TASP1: variants seen among roughly 807,000 people sequenced by gnomAD.
TASP1 encodes the protein taspase 1.
A neutral mutation model predicts 56.6 loss-of-function variants in TASP1; 16 were observed. The ratio of observed to expected loss-of-function variants is 0.28; its 90% CI spans 0.19 to 0.43. The LOEUF (loss-of-function observed/expected upper bound fraction) is 0.43, where lower values mean the gene tolerates loss of function less well. TASP1 is among the 20% of genes least tolerant of loss of function. The probability of loss-of-function intolerance (pLI) is 1.00; values close to 1 mark genes in which losing one functional copy is unlikely to be tolerated. For synonymous variants in TASP1, 179 were observed against 184.2 expected, an observed-to-expected ratio of 0.97 and a Z score of 0.23; for missense variants, 393 against 511.6, an observed-to-expected ratio of 0.77 and a Z score of 2.24.
chr20:13,146,408 G>A, the TASP1 span, among the ~76,000 whole-genome samples: 1 of 152,100 alleles, frequency 6.6e-6, no homozygotes, highest in African/African-American at 2.4e-5. Flanking sequence ...ATCTTCACAT[G>A]TACCCCGAAA....
At chr20:13,341,936 T>A in the TASP1 span, among the ~76,000 whole-genome samples, 1 of 152,316 alleles carries the variant, frequency 6.6e-6, no homozygotes, top group African/African-American at 2.4e-5. Context: ...GGGCTGGTGG[T>A]TCACTTTGTG....
At chr20:13,154,830 A>G in the TASP1 span, among the ~76,000 whole-genome samples, 2 of 152,170 alleles carry the variant, frequency 1.3e-5, no homozygotes, top group Admixed American at 6.5e-5. Context: ...TTTATACATG[A>G]GCCCTTCTCC....
rs187111164 is a variant in TASP1 at position 13,595,487 on chromosome 20, C to T, written c.283-8117G>A. On this transcript the variant is annotated intron_variant, in intron 4 of 13. Coordinates refer to ENST00000337743, the MANE Select transcript of TASP1 (RefSeq NM_017714.3). ...TGCTGTATTCAGGAAACCCATCTCA[C>T]GTGCAGAGACACACATAGGCTCAAA... Among the ~76,000 whole-genome samples, 395 of 152,200 alleles carry T rather than the reference C, an allele frequency of 2.6e-3. 2 individuals carry two copies. The highest frequency in any genetic ancestry group is 8.6e-3 in the African/African-American group (359 of 41,528).
chr20:13,342,997 T>C, the TASP1 span, among the ~76,000 whole-genome samples: 1 of 152,304 alleles, frequency 6.6e-6, no homozygotes, highest in South Asian at 2.1e-4. Context: ...TGTACTTTGC[T>C]GACTGAGCCT....
chr20:13,142,439 G>T, the TASP1 span, among the ~76,000 whole-genome samples: 1 of 152,184 alleles, frequency 6.6e-6, no homozygotes, highest in African/African-American at 2.4e-5. Flanking sequence ...ATCTTCCAGG[G>T]TAAAGGGGAA....
At chr20:13,119,519 G>T in the TASP1 span, among the ~76,000 whole-genome samples, 1,530 of 152,184 alleles carry the variant, frequency 0.01, 29 homozygotes, top group African/African-American at 0.032. Context: ...TACATTAATC[G>T]GGATGCAGAA....
At chr20:13,329,182 C>T in the TASP1 span, among the ~76,000 whole-genome samples, 1 of 152,112 alleles carries the variant, frequency 6.6e-6, no homozygotes, top group African/African-American at 2.4e-5. Flanking sequence ...TGCCACCTCC[C>T]TGCCAAAAAA....
At chr20:13,296,119 A>G in the TASP1 span, among the ~76,000 whole-genome samples, 4 of 152,106 alleles carry the variant, frequency 2.6e-5, no homozygotes, top group Non-Finnish European at 5.9e-5. Flanking sequence ...GATATGCCTC[A>G]TCTTACCCAC....
chr20:13,576,369 GAAAGAA>G (rs1242861483), intron 6 of TASP1, among the ~76,000 whole-genome samples: 4 of 121,570 alleles, frequency 3.3e-5, no homozygotes, highest in Non-Finnish European at 7.4e-5. Context: ...AAGAAAGAAA[GAAAGAA>G]AGAAAGAAAG....
At chr20:13,449,026 A>T (rs754641017) in intron 11 of TASP1, among the ~76,000 whole-genome samples, 33 of 152,086 alleles carry the variant, frequency 2.2e-4, no homozygotes, top group Non-Finnish European at 3.4e-4. Context: ...AGTGTTTAAA[A>T]CATGTATAGC....
At chr20:13,331,488 C>T in the TASP1 span, among the ~76,000 whole-genome samples, 2 of 152,100 alleles carry the variant, frequency 1.3e-5, no homozygotes, top group South Asian at 2.1e-4. Flanking sequence ...TTAAACAATT[C>T]TATACTGAAG....
At chr20:13,528,752 T>G (rs1296175117) in intron 9 of TASP1, among the ~76,000 whole-genome samples, 1 of 152,180 alleles carries the variant, frequency 6.6e-6, no homozygotes, top group African/African-American at 2.4e-5. Flanking sequence ...AGTTTCTTAG[T>G]GTCATCAGCA....
rs367925368 is a variant in TASP1, at chr20:13,495,006, G to A, written c.875-11669C>T. Reference sequence around the variant, plus strand: ...TATAAACATCTACAAATATGCAGATGTCATGTAAAATATTTCACTATACAT... The same window carrying A: ...TATAAACATCTACAAATATGCAGATATCATGTAAAATATTTCACTATACAT... On this transcript the variant is annotated intron_variant, in intron 10 of 13. Coordinates refer to ENST00000337743, the MANE Select transcript of TASP1 (RefSeq NM_017714.3). Among the ~76,000 whole-genome samples the A allele has an allele frequency of 5.3e-5, 8 of 151,668 alleles. No individual in the cohort carries two copies. The East Asian group carries it at 1.4e-3, about 26-fold the overall frequency.
At chr20:13,267,318 C>G in the TASP1 span, among the ~76,000 whole-genome samples, 1 of 152,120 alleles carries the variant, frequency 6.6e-6, no homozygotes, top group Non-Finnish European at 1.5e-5. Context: ...GGGGGCAGGG[C>G]GGTTCGGAGA....
At chr20:13,311,534 T>G in the TASP1 span, among the ~76,000 whole-genome samples, 1 of 152,216 alleles carries the variant, frequency 6.6e-6, no homozygotes, top group Non-Finnish European at 1.5e-5. Context: ...GAAATCAACA[T>G]AAGTGTTCAT....
intron 10 of TASP1, among the ~76,000 whole-genome samples, chr20:13,492,043 G>A (rs1366722197): frequency 6.6e-6 from 1 of 152,150 alleles, no homozygotes; most frequent in Admixed American, 6.5e-5. Flanking sequence ...AAGAGCCCCA[G>A]AGGGGAAAAA....
chr20:13,146,867 T>C, the TASP1 span, among the ~76,000 whole-genome samples: 5 of 152,206 alleles, frequency 3.3e-5, no homozygotes, highest in African/African-American at 4.8e-5. Context: ...CCAACTTTGA[T>C]AATCTCCTAG....
chr20:13,179,491 T>A, the TASP1 span, among the ~76,000 whole-genome samples: 675 of 150,774 alleles, frequency 4.5e-3, 2 homozygotes, highest in Middle Eastern at 6.8e-3. Context: ...AATACCAACA[T>A]ACTGGAATAA....
chr20:13,263,345 C>T, the TASP1 span, among the ~76,000 whole-genome samples: 1 of 152,012 alleles, frequency 6.6e-6, no homozygotes, highest in South Asian at 2.1e-4. Context: ...CCCCACCACC[C>T]CCTGCTTCCA....
Sources: gnomAD v4.1 joint callset for allele counts (sites outside exome capture counted in the v4.1 genomes callset) on GRCh38, gnomAD v4.1.1 for gene constraint, MANE v1.5 for transcripts, NCBI Gene and HGNC (gene_info 2026-07-23, HGNC 2026-07-21) for gene names.